Variants in SLC25A37 observed in about 807,000 individuals in gnomAD.
SLC25A37 encodes mitoferrin-1.
A neutral mutation model predicts 31.0 loss-of-function variants in SLC25A37; 17 were observed. That is an observed-to-expected ratio of 0.55 (90% CI 0.38 to 0.82). The LOEUF is 0.82. Among genes scored for constraint, SLC25A37 ranks in the 40% least tolerant of loss-of-function variants. The pLI, the probability that SLC25A37 is intolerant of heterozygous loss-of-function variation, is 0.00. For synonymous variants in SLC25A37, 222 were observed against 193.0 expected, an observed-to-expected ratio of 1.15 and a Z score of -1.24; for missense variants, 404 against 465.8, an observed-to-expected ratio of 0.87 and a Z score of 1.22.
intron 1 of SLC25A37, among the ~76,000 whole-genome samples, chr8:23,532,575 G>T (rs1285126123): frequency 6.6e-6 from 1 of 152,206 alleles, no homozygotes; most frequent in Admixed American, 6.5e-5. Flanking sequence ...GAAAGCAGGG[G>T]CAGAAGGAAA....
At chr8:23,544,411 G>A (rs182166795) in intron 1 of SLC25A37, among the ~76,000 whole-genome samples, 151 of 152,294 alleles carry the variant, frequency 9.9e-4, no homozygotes, top group Middle Eastern at 3.4e-3. Context: ...TTTGCGATGC[G>A]TGACTGTAAT....
At chr8:23,550,969 C>G (rs1165264089) in intron 1 of SLC25A37, among the ~76,000 whole-genome samples, 1 of 152,194 alleles carries the variant, frequency 6.6e-6, no homozygotes, top group African/African-American at 2.4e-5. Flanking sequence ...CCCTATAGTT[C>G]AGAGGCGAGC....
chr8:23,565,289 T>C (rs1802622593), intron 1 of SLC25A37, among the ~76,000 whole-genome samples: 1 of 152,200 alleles, frequency 6.6e-6, no homozygotes, highest in Admixed American at 6.5e-5. Flanking sequence ...TCATCCAGGC[T>C]GACCCATAAA....
chr8:23,535,140 T>C (rs1801739820), intron 1 of SLC25A37, among the ~76,000 whole-genome samples: 1 of 152,170 alleles, frequency 6.6e-6, no homozygotes, highest in Admixed American at 6.5e-5. Flanking sequence ...GCCTTTAGTT[T>C]CTCTGCCTTT....
chr8:23,535,434 C>T (rs1001845859), intron 1 of SLC25A37, among the ~76,000 whole-genome samples: 8 of 152,198 alleles, frequency 5.3e-5, no homozygotes, highest in African/African-American at 1.9e-4. Flanking sequence ...TCCAAACTCT[C>T]TTGCCTTCTA....
At chr8:23,550,768 A>G (rs1802201814) in intron 1 of SLC25A37, among the ~76,000 whole-genome samples, 1 of 152,244 alleles carries the variant, frequency 6.6e-6, no homozygotes, top group African/African-American at 2.4e-5. Context: ...TGTTTGGTCT[A>G]GTGAGACACA....
At chr8:23,554,320 G>T (rs760968644) in intron 1 of SLC25A37, among the ~76,000 whole-genome samples, 2 of 152,232 alleles carry the variant, frequency 1.3e-5, no homozygotes, top group Non-Finnish European at 2.9e-5. Flanking sequence ...GGATGAGAAA[G>T]AACTGTGACT....
intron 1 of SLC25A37, among the ~76,000 whole-genome samples, chr8:23,554,290 A>G (rs935269844): frequency 6.6e-6 from 1 of 152,184 alleles, no homozygotes; most frequent in Admixed American, 6.5e-5. Flanking sequence ...AGGCCATACA[A>G]TGTATCAGTG....
chr8:23,567,952 T>G (rs1200684300), intron 2 of SLC25A37: 1 of 325,360 alleles, frequency 3.1e-6, no homozygotes, highest in African/African-American at 2.1e-5. Context: ...CAAAGTGAGT[T>G]AATGTGTAGA....
At chr8:23,552,559 G>A (rs553285377) in intron 1 of SLC25A37, among the ~76,000 whole-genome samples, 1 of 152,268 alleles carries the variant, frequency 6.6e-6, no homozygotes, top group East Asian at 1.9e-4. Context: ...CAGGCCACGT[G>A]CCCAGAAGGA....
At chr8:23,558,179 A>G (rs1440780527) in intron 1 of SLC25A37, among the ~76,000 whole-genome samples, 3 of 152,102 alleles carry the variant, frequency 2.0e-5, no homozygotes, top group Non-Finnish European at 4.4e-5. Flanking sequence ...GAGATTGGAG[A>G]GGTGGGAGTT....
intron 1 of SLC25A37, among the ~76,000 whole-genome samples, chr8:23,533,569 T>A (rs902896628): frequency 6.6e-6 from 1 of 152,216 alleles, no homozygotes; most frequent in South Asian, 2.1e-4. Flanking sequence ...CTCTGTTTTT[T>A]AGTCTTGGGC....
At position 23,571,731 on chromosome 8, in the gene SLC25A37, A is replaced by G; in HGVS notation, c.893A>G (p.Tyr298Cys). The change falls in exon 4 of 4, where the codon TAC (tyrosine) becomes TGC (cysteine). Residue 298 changes from tyrosine (Y) to cysteine (C), a missense_variant. By Grantham distance (194) the Tyr-to-Cys change is radical (BLOSUM62 -2). Coordinates refer to ENST00000519973, the MANE Select transcript of SLC25A37 (RefSeq NM_016612.4). ...TVYQLNGLAGYFKGIQARVIY... is the reference protein window; with the variant it reads ...TVYQLNGLAGCFKGIQARVIY... The stretch of plus-strand genomic sequence containing the variant: ...TACCAGCTCAACGGCCTGGCCGGCT[A>G]CTTCAAAGGCATCCAGGCGCGTGTC... 1 of 1,614,032 alleles carries G rather than the reference A, an allele frequency of 6.2e-7. No homozygotes were observed. The highest frequency in any genetic ancestry group is 1.1e-5 in the South Asian group (1 of 91,084).
chr8:23,532,153 A>T (rs1585439284), intron 1 of SLC25A37, among the ~76,000 whole-genome samples: 1 of 152,218 alleles, frequency 6.6e-6, no homozygotes, highest in East Asian at 1.9e-4. Flanking sequence ...TATTTGGAAG[A>T]CCTTTGGCAA....
intron 1 of SLC25A37, among the ~76,000 whole-genome samples, chr8:23,546,520 T>C (rs546774629): frequency 0.026 from 1,886 of 73,816 alleles, 79 homozygotes; most frequent in South Asian, 0.18. Flanking sequence ...TAGGTATATA[T>C]ATATATAGGT....
intron 1 of SLC25A37, among the ~76,000 whole-genome samples, chr8:23,565,119 C>T (rs1028612884): frequency 5.9e-5 from 9 of 152,186 alleles, no homozygotes; most frequent in African/African-American, 1.7e-4. Context: ...GTTTTTTTCT[C>T]ACGAGGCCTT....
chr8:23,571,290 G>GC (rs1802822565), intron 3 of SLC25A37, 45 bp from the exon 4 acceptor site: 1 of 1,489,300 alleles, frequency 6.7e-7, no homozygotes, highest in Non-Finnish European at 9.0e-7. Context: ...CCAACCCACT[G>GC]CCCACTGGCT....
intron 1 of SLC25A37, chr8:23,543,160 C>T (rs1031519290): frequency 1.3e-5 from 2 of 151,974 alleles, no homozygotes; most frequent in African/African-American, 4.8e-5. Context: ...CCTCGAACTC[C>T]TGGGTACAAG....
intron 1 of SLC25A37, among the ~76,000 whole-genome samples, chr8:23,552,679 T>C (rs1253460992): frequency 6.6e-6 from 1 of 152,188 alleles, no homozygotes; most frequent in Non-Finnish European, 1.5e-5. Flanking sequence ...ACGTTACTTA[T>C]GGGCAGAGAC....
Sources: allele counts gnomAD v4.1 joint callset (sites outside exome capture counted in the v4.1 genomes callset), GRCh38; gene constraint gnomAD v4.1.1; transcripts MANE v1.5; gene names NCBI Gene and HGNC (gene_info 2026-07-23, HGNC 2026-07-21).